GRIA4: variants seen among roughly 807,000 people sequenced by gnomAD.
The protein encoded by GRIA4 is glutamate receptor 4.
In GRIA4, 34 loss-of-function variants were observed where a neutral mutation model predicts 104.0. The observed-to-expected ratio is 0.33, with a 90% CI of 0.25 to 0.44. GRIA4 has a LOEUF of 0.44. Among genes scored for constraint, GRIA4 ranks in the 20% least tolerant of loss-of-function variants. The pLI, the probability that GRIA4 is intolerant of heterozygous loss-of-function variation, is 1.00. For synonymous variants in GRIA4, 386 were observed against 381.9 expected (o/e 1.01, Z -0.13); for missense variants, 750 against 1,096.5 (o/e 0.68, Z 4.46).
At chr11:105,850,057 G>A (rs960447283) in intron 4 of GRIA4, among the ~76,000 whole-genome samples, 4 of 151,960 alleles carry the variant, frequency 2.6e-5, no homozygotes, top group South Asian at 4.1e-4. Context: ...AGTAAACTTC[G>A]AAAACCTTAA....
chr11:105,727,667 C>T (rs991782004), intron 3 of GRIA4, among the ~76,000 whole-genome samples: 2 of 152,182 alleles, frequency 1.3e-5, no homozygotes, highest in Non-Finnish European at 2.9e-5. Context: ...ATCAGACTAA[C>T]AGCAGATCTC....
chr11:105,667,527 C>T (rs1952202346), intron 3 of GRIA4, among the ~76,000 whole-genome samples: 1 of 152,010 alleles, frequency 6.6e-6, no homozygotes, highest in South Asian at 2.1e-4. Context: ...GAGCTCTCTT[C>T]CATCCTAGTT....
chr11:105,661,246 T>G (rs1952000113), intron 3 of GRIA4, among the ~76,000 whole-genome samples: 1 of 151,636 alleles, frequency 6.6e-6, no homozygotes, highest in African/African-American at 2.4e-5. Flanking sequence ...TTATATCTAT[T>G]ACAGTAATAA....
chr11:105,882,970 A>G (rs568209349), intron 5 of GRIA4, among the ~76,000 whole-genome samples: 1 of 152,208 alleles, frequency 6.6e-6, no homozygotes, highest in Non-Finnish European at 1.5e-5. Flanking sequence ...CAATGTTTGT[A>G]CCTGGCATTC....
intron 3 of GRIA4, among the ~76,000 whole-genome samples, chr11:105,729,528 T>C (rs993975914): frequency 7.9e-5 from 12 of 152,118 alleles, no homozygotes; most frequent in African/African-American, 2.7e-4. Context: ...ATCATCCAGA[T>C]ACCAAAACCT....
intron 12 of GRIA4, 30 bp from the exon 13 acceptor site, chr11:105,926,711 G>C: frequency 2.1e-6 from 3 of 1,405,458 alleles, no homozygotes; most frequent in Non-Finnish European, 3.0e-6. Context: ...TTAAAGAAAG[G>C]AAAATGTGCA....
intron 3 of GRIA4, among the ~76,000 whole-genome samples, chr11:105,675,952 T>C (rs1291588578): frequency 6.6e-6 from 1 of 151,822 alleles, no homozygotes; most frequent in Non-Finnish European, 1.5e-5. Context: ...TATAATTAGC[T>C]ACTTGCGAAA....
chr11:105,968,848 T>G (rs1007096816), intron 14 of GRIA4, among the ~76,000 whole-genome samples: 1 of 152,244 alleles, frequency 6.6e-6, no homozygotes, highest in African/African-American at 2.4e-5. Flanking sequence ...GTTAACCTAG[T>G]ATGGTTTAGT....
At chr11:105,944,791 C>CTATGTTG (rs1259479119) in intron 14 of GRIA4, among the ~76,000 whole-genome samples, 1 of 151,934 alleles carries the variant, frequency 6.6e-6, no homozygotes, top group Non-Finnish European at 1.5e-5. Flanking sequence ...GAGCCTCTCA[C>CTATGTTG]TATGTTGCCT....
chr11:105,673,905 A>C (rs1952454594), intron 3 of GRIA4, among the ~76,000 whole-genome samples: 1 of 152,232 alleles, frequency 6.6e-6, no homozygotes, highest in African/African-American at 2.4e-5. Flanking sequence ...GATCAATGGA[A>C]TATAGATTCA....
chr11:105,938,293 G>A (rs546427321), intron 14 of GRIA4, among the ~76,000 whole-genome samples: 7 of 152,162 alleles, frequency 4.6e-5, no homozygotes, highest in South Asian at 4.2e-4. Context: ...GTACTTAGAC[G>A]GTTTAGGAAA....
intron 4 of GRIA4, among the ~76,000 whole-genome samples, chr11:105,779,919 T>C (rs1429738140): frequency 6.6e-6 from 1 of 152,186 alleles, no homozygotes; most frequent in East Asian, 1.9e-4. Flanking sequence ...TTAATGGTAG[T>C]TATGTCAAAG....
At chr11:105,771,708 A>G (rs889550518) in intron 4 of GRIA4, among the ~76,000 whole-genome samples, 9 of 152,172 alleles carry the variant, frequency 5.9e-5, no homozygotes, top group Admixed American at 2.0e-4. Flanking sequence ...GAACAATATG[A>G]TTTTGAACTA....
At position 105,952,410 on chromosome 11, in the gene GRIA4, C is replaced by A. The variant is rs377160625; in HGVS notation, c.2294+18441C>A. Among the ~76,000 whole-genome samples the A allele has an allele frequency of 6.0e-4, 92 of 152,206 alleles. 3 individuals carry two copies. In the South Asian group the frequency reaches 0.011, roughly 18 times the overall value. On this transcript the variant is annotated intron_variant, in intron 14 of 16. Transcript: ENST00000282499. Reference sequence around the variant, plus strand: ...TTGACAAAATCATGAAGCTAAGTTTCATGAAATATTTGTAAATATTACCTA... The same window carrying A: ...TTGACAAAATCATGAAGCTAAGTTTAATGAAATATTTGTAAATATTACCTA...
chr11:105,771,274 A>C (rs1261562575), intron 4 of GRIA4, among the ~76,000 whole-genome samples: 1 of 152,012 alleles, frequency 6.6e-6, no homozygotes, highest in Non-Finnish European at 1.5e-5. Flanking sequence ...CTTTGTCCAA[A>C]AGCTATTTTG....
chr11:105,941,004 A>G (rs1316443780), intron 14 of GRIA4, among the ~76,000 whole-genome samples: 1 of 152,228 alleles, frequency 6.6e-6, no homozygotes, highest in Admixed American at 6.5e-5. Context: ...TCAAAATGAA[A>G]TAACATACAT....
In GRIA4 at chr11:105,616,435, T is replaced by C. The variant is rs796368795; in HGVS notation, c.247+4001T>C. 4.0e-5 allele frequency among the ~76,000 whole-genome samples: 6 copies of C among 151,864 alleles called. 1 individual carries two copies. The highest frequency in any genetic ancestry group is 1.9e-4 in the East Asian group (1 of 5,186). On this transcript the variant is annotated intron_variant, in intron 3 of 16. Coordinates refer to ENST00000282499, the MANE Select transcript of GRIA4 (RefSeq NM_000829.4). ...TAAAAGTATACGTAAAATAGAGTTG[T>C]TTAGTTAATTTAAATACATTGAAAA... is the stretch of plus-strand genomic sequence containing the variant.
At chr11:105,689,472 C>A (rs1953009735) in intron 3 of GRIA4, among the ~76,000 whole-genome samples, 1 of 152,110 alleles carries the variant, frequency 6.6e-6, no homozygotes, top group Non-Finnish European at 1.5e-5. Context: ...TATTGTAAAA[C>A]CACATGATAG....
intron 3 of GRIA4, among the ~76,000 whole-genome samples, chr11:105,693,558 C>T (rs1247129485): frequency 3.9e-5 from 6 of 151,928 alleles, no homozygotes; most frequent in Admixed American, 3.9e-4. Context: ...CATTTTTTTC[C>T]TGCATATTTA....
Sources: gnomAD v4.1 joint callset for allele counts (sites outside exome capture counted in the v4.1 genomes callset) on GRCh38, gnomAD v4.1.1 for gene constraint, MANE v1.5 for transcripts, NCBI Gene and HGNC (gene_info 2026-07-23, HGNC 2026-07-21) for gene names.